Variants in CYFIP2 observed in about 807,000 individuals in gnomAD.
CYFIP2 encodes cytoplasmic FMR1 interacting protein 2, also known as cytoplasmic FMR1-interacting protein 2.
A neutral mutation model predicts 158.7 loss-of-function variants in CYFIP2; 29 were observed. The observed-to-expected ratio is 0.18, with a 90% CI of 0.14 to 0.25. The LOEUF (loss-of-function observed/expected upper bound fraction) is 0.25, where lower values mean the gene tolerates loss of function less well. Ranked by LOEUF, CYFIP2 falls within the 10% of genes least tolerant of loss-of-function variation. The pLI is 1.00. For synonymous variants in CYFIP2, 585 were observed against 617.6 expected (o/e 0.95, Z 0.78); for missense variants, 852 against 1,639.5 (o/e 0.52, Z 8.29).
At chr5:157,370,117 G>T (rs1034530252) in intron 26 of CYFIP2, among the ~76,000 whole-genome samples, 12 of 152,064 alleles carry the variant, frequency 7.9e-5, no homozygotes, top group Admixed American at 7.2e-4. Context: ...CTGACCTCGT[G>T]ATCCATGCGC....
At chr5:157,282,011 C>T (rs1189139659) in intron 1 of CYFIP2, among the ~76,000 whole-genome samples, 1 of 152,178 alleles carries the variant, frequency 6.6e-6, no homozygotes, top group Non-Finnish European at 1.5e-5. Context: ...ACTCCATTTT[C>T]CTGCTGCTTC....
At chr5:157,286,336 ACATATATATGTGTGTGTGTATATATATG>A (rs1394746472) in intron 2 of CYFIP2, among the ~76,000 whole-genome samples, 5 of 150,658 alleles carry the variant, frequency 3.3e-5, no homozygotes, top group Non-Finnish European at 5.9e-5. Flanking sequence ...TACCAAATAT[ACATATATATGTGTGTGTGTATATATATG>A]CATATATATA....
At position 157,320,818 on chromosome 5, in the gene CYFIP2, C is replaced by G; in HGVS notation, c.1671+16C>G. On this transcript the variant is annotated intron_variant, in intron 15 of 30. Coordinates refer to ENST00000620254, the MANE Select transcript of CYFIP2 (RefSeq NM_001037333.3). ...CAGCACACAGGTAAGCGGCTCCAGG[C>G]ACAGGCCAGCTGCGTTGACTCAGAG... is the stretch of plus-strand genomic sequence containing the variant. 1.3e-6 allele frequency: 2 copies of G among 1,551,002 alleles called. No individual in the cohort carries two copies. The highest frequency in any genetic ancestry group is 4.6e-5 in the East Asian group (2 of 43,754).
chr5:157,380,339 A>G (rs1211384869), intron 26 of CYFIP2, among the ~76,000 whole-genome samples: 2 of 152,236 alleles, frequency 1.3e-5, no homozygotes, highest in African/African-American at 2.4e-5. Context: ...TCTTTTCAGG[A>G]AAGGGCTATG....
chr5:157,325,410 TA>T (rs1343553527), intron 16 of CYFIP2, 71 bp from the exon 17 acceptor site: 1 of 1,447,434 alleles, frequency 6.9e-7, no homozygotes, highest in Admixed American at 2.5e-5. Flanking sequence ...CAATGAAAAT[TA>T]ATAAAAACAA....
intron 23 of CYFIP2, among the ~76,000 whole-genome samples, chr5:157,357,191 C>A (rs1472410893): frequency 6.6e-6 from 1 of 152,142 alleles, no homozygotes; most frequent in East Asian, 1.9e-4. Flanking sequence ...CTTCACAAGT[C>A]CTTGCTATTA....
chr5:157,324,202 C>T, intron 16 of CYFIP2, 128 bp downstream of exon 16: 1 of 1,136,020 alleles, frequency 8.8e-7, no homozygotes, highest in Non-Finnish European at 1.2e-6. Context: ...ATATCACCAC[C>T]AAGGAAAAAA....
chr5:157,314,955 C>G lies in CYFIP2; in HGVS notation c.1231-14C>G. ...TCAGTTGATGGACGTTTGGTTTGTTCCCACTCTCCCCAGTACTCTTGGAAG... is the reference window on the plus strand; with the variant it reads ...TCAGTTGATGGACGTTTGGTTTGTTGCCACTCTCCCCAGTACTCTTGGAAG... On this transcript the variant is annotated splice_polypyrimidine_tract_variant and intron_variant, in intron 12 of 30. Coordinates refer to ENST00000620254, the MANE Select transcript of CYFIP2 (RefSeq NM_001037333.3). 6.4e-7 allele frequency: 1 copy of G among 1,555,208 alleles called. No individual in the cohort carries two copies. The highest frequency in any genetic ancestry group is 8.7e-7 in the Non-Finnish European group (1 of 1,148,316).
intron 23 of CYFIP2, among the ~76,000 whole-genome samples, chr5:157,349,224 T>C (rs74443281): frequency 6.6e-6 from 1 of 152,216 alleles, no homozygotes; most frequent in Non-Finnish European, 1.5e-5. Flanking sequence ...GCACCCATCA[T>C]ACGAGCAGTA....
intron 23 of CYFIP2, chr5:157,343,256 G>T: frequency 1.2e-6 from 2 of 1,614,232 alleles, no homozygotes; most frequent in Non-Finnish European, 1.7e-6. Context: ...CTTATCCAGG[G>T]TGTGGAACAT....
intron 1 of CYFIP2, among the ~76,000 whole-genome samples, chr5:157,282,726 T>C (rs906892426): frequency 2.6e-5 from 4 of 152,224 alleles, no homozygotes; most frequent in Non-Finnish European, 4.4e-5. Flanking sequence ...CTAACAATGT[T>C]TGGTAGATCC....
chr5:157,356,311 C>T (rs1763406521), intron 23 of CYFIP2, among the ~76,000 whole-genome samples: 1 of 152,160 alleles, frequency 6.6e-6, no homozygotes, highest in Non-Finnish European at 1.5e-5. Flanking sequence ...ACTGATCCCA[C>T]TCATGAGGGC....
chr5:157,315,180 A>G lies in CYFIP2; in HGVS notation c.1356+86A>G, dbSNP rs946885650. ...GAGTAGTTCTGAGCAAGAAAACAGC[A>G]TCGGTTGCCCTAATTTTCGTGCTCT... On this transcript the variant is annotated intron_variant, in intron 13 of 30. Transcript: ENST00000620254. The G allele has an allele frequency of 1.1e-5, 16 of 1,517,052 alleles. No individual in the cohort carries two copies. In the East Asian group the frequency reaches 3.5e-4, roughly 34 times the overall value. The allele number at this position is 1,517,052 out of a possible 1,614,324, so 94.0% of individuals were successfully genotyped here. A position where few individuals can be genotyped will look rare whatever the true frequency, so the allele number is the denominator to read the frequency against.
intron 3 of CYFIP2, among the ~76,000 whole-genome samples, chr5:157,287,378 A>G (rs748285949): frequency 6.6e-5 from 10 of 152,348 alleles, no homozygotes; most frequent in Non-Finnish European, 1.3e-4. Flanking sequence ...TTGAGCTCCT[A>G]TAGCTTTTTG....
At chr5:157,384,768 C>G (rs1474060409) in intron 28 of CYFIP2, 1 of 304,332 alleles carries the variant, frequency 3.3e-6, no homozygotes, top group East Asian at 7.9e-5. Flanking sequence ...GGTGAAACCC[C>G]AACTCTACCA....
chr5:157,390,811 G>C (rs1767207823), intron 30 of CYFIP2, 143 bp downstream of exon 30: 1 of 1,353,882 alleles, frequency 7.4e-7, no homozygotes, highest in African/African-American at 1.5e-5. Context: ...CTGGGGACCT[G>C]CTTAGAGGAA....
At chr5:157,316,370 A>G (rs1760148795) in intron 13 of CYFIP2, among the ~76,000 whole-genome samples, 1 of 152,244 alleles carries the variant, frequency 6.6e-6, no homozygotes, top group African/African-American at 2.4e-5. Flanking sequence ...ACAGAACAGC[A>G]TATAAAATGA....
rs1248742865 is a variant in CYFIP2, at chr5:157,393,280, TC to T, written c.*282del. 19 of 288,892 alleles carry T rather than the reference TC, an allele frequency of 6.6e-5. No individual in the cohort carries two copies. The highest frequency in any genetic ancestry group is 1.0e-4 in the Non-Finnish European group (16 of 156,068). The allele number at this position is 288,892 out of a possible 1,614,324, so 17.9% of individuals were successfully genotyped here. ...CTCCCCCCTCAACTATATTAAGAAC[TC>T]CTAGTTTCACCCTTTCTCCATCCCA... On this transcript the variant is annotated 3_prime_UTR_variant, in exon 31 of 31. Transcript: ENST00000620254.
Position 157,339,109 on chromosome 5 carries a change from A to C in CYFIP2, c.2438A>C (p.Lys813Thr). ...CGGCTCACGCATCGGCTGCTCTGTAAGCATATGACGCTGGACAGCTTCGAT... is the reference window on the plus strand; with the variant it reads ...CGGCTCACGCATCGGCTGCTCTGTACGCATATGACGCTGGACAGCTTCGAT... ...INRLTHRLLC[K>T]HMTLDSFDAM... The change falls in exon 22 of 31, where the codon AAG becomes ACG. Residue 813 changes from lysine to threonine, a missense_variant. Physicochemically the swap from Lys to Thr is moderately conservative, Grantham distance 78 (BLOSUM62 -1). This residue lies in a region of CYFIP2 where 191 missense variants were observed against 311.2 expected (regional missense o/e 0.61). Coordinates refer to ENST00000620254, the MANE Select transcript of CYFIP2 (RefSeq NM_001037333.3). 1 of 1,613,960 alleles carries C rather than the reference A, an allele frequency of 6.2e-7. No homozygotes were observed. The highest frequency in any genetic ancestry group is 8.5e-7 in the Non-Finnish European group (1 of 1,179,884).
Sources: gnomAD v4.1 joint callset for allele counts (sites outside exome capture counted in the v4.1 genomes callset) on GRCh38, gnomAD v4.1.1 for gene constraint, gnomAD v4.1.1 regional missense constraint, MANE v1.5 for transcripts, NCBI Gene and HGNC (gene_info 2026-07-23, HGNC 2026-07-21) for gene names.